RCOR3: variants seen among roughly 807,000 people sequenced by gnomAD.
RCOR3 encodes the protein REST corepressor 3.
A neutral mutation model predicts 64.1 loss-of-function variants in RCOR3; 13 were observed. The ratio of observed to expected loss-of-function variants is 0.20; its 90% CI spans 0.13 to 0.32. The LOEUF is 0.32. Among genes scored for constraint, RCOR3 ranks in the 10% least tolerant of loss-of-function variants. The probability of loss-of-function intolerance (pLI) is 1.00; values close to 1 mark genes in which losing one functional copy is unlikely to be tolerated. For synonymous variants in RCOR3, 215 were observed against 239.0 expected (o/e 0.90, Z 0.93); for missense variants, 489 against 701.2 (o/e 0.70, Z 3.42).
Position 211,312,197 on chromosome 1 carries a change from T to TGC in RCOR3, c.1076-523_1076-522insGC. ...TCAATTTGTTGGTACCCTGGTGCTA[T>TGC]AGGCAAGTATTCATGTTGAAGTTAG... is the stretch of plus-strand genomic sequence containing the variant. On this transcript the variant is annotated intron_variant, in intron 10 of 11. Transcript: ENST00000419091. The surrounding 1 kb of genome is among the most constrained non-coding windows in gnomAD (Gnocchi z 5.0). 1 of 226,242 alleles carries TGC rather than the reference T, an allele frequency of 4.4e-6. No homozygotes were observed. Among genetic ancestry groups the TGC allele is most frequent in the South Asian group, 5.5e-5 (1 of 18,294 alleles). The allele number at this position is 226,242 out of a possible 1,614,324, so 14.0% of individuals were successfully genotyped here. A position where few individuals can be genotyped will look rare whatever the true frequency, so the allele number is the denominator to read the frequency against.
At chr1:211,285,223 A>G (rs1361021127) in intron 7 of RCOR3, among the ~76,000 whole-genome samples, 1 of 152,202 alleles carries the variant, frequency 6.6e-6, no homozygotes, top group Non-Finnish European at 1.5e-5. Context: ...ATTTGAATAG[A>G]AGATATGATA....
intron 8 of RCOR3, among the ~76,000 whole-genome samples, chr1:211,294,534 G>C (rs1195263531): frequency 6.7e-6 from 1 of 149,354 alleles, no homozygotes; most frequent in Non-Finnish European, 1.5e-5. Context: ...CAAGCCCTGT[G>C]GTTTTTATTA....
chr1:211,263,961 G>A (rs984553043), intron 2 of RCOR3, among the ~76,000 whole-genome samples: 1 of 149,978 alleles, frequency 6.7e-6, no homozygotes, highest in African/African-American at 2.5e-5. Flanking sequence ...GGGACTACAG[G>A]CACATGCCAC....
At chr1:211,309,864 T>C (rs1237830070) in intron 10 of RCOR3, among the ~76,000 whole-genome samples, 1 of 152,152 alleles carries the variant, frequency 6.6e-6, no homozygotes, top group Non-Finnish European at 1.5e-5. Flanking sequence ...GAGATTCTTT[T>C]AAAGGAGCAG....
At chr1:211,293,881 A>G (rs1188133442) in intron 8 of RCOR3, among the ~76,000 whole-genome samples, 2 of 152,234 alleles carry the variant, frequency 1.3e-5, no homozygotes, top group East Asian at 1.9e-4. Flanking sequence ...AAAGTAAACA[A>G]TCCTAACCCT....
chr1:211,263,806 GTTT>G (rs971132743), intron 2 of RCOR3, among the ~76,000 whole-genome samples: 31 of 106,994 alleles, frequency 2.9e-4, no homozygotes, highest in African/African-American at 1.0e-3. Flanking sequence ...TAGATGAAAA[GTTT>G]TTTTTGTTTT....
chr1:211,309,457 A>G lies in RCOR3; in HGVS notation c.1076-3263A>G, dbSNP rs111997650. ...AATAAAACTTTACATATTAAAGATT[A>G]TAAGATATCATCTGCCAGCATAGAA... On this transcript the variant is annotated intron_variant, in intron 10 of 11. Transcript: ENST00000419091. 2.7e-3 allele frequency among the ~76,000 whole-genome samples: 409 copies of G among 152,358 alleles called. 3 individuals are homozygous for G. Among genetic ancestry groups the G allele is most frequent in the African/African-American group, 9.2e-3 (381 of 41,582 alleles).
rs1701643866 is a variant in RCOR3, at chr1:211,312,952, A to G, written c.1308A>G (p.Glu436=). 6.2e-7 allele frequency: 1 copy of G among 1,614,092 alleles called. No individual in the cohort carries two copies. Residue 436 remains glutamate (E), a synonymous_variant, in exon 11 of 12, where the codon GAA becomes GAG. Transcript: ENST00000419091. The surrounding 1 kb of genome is among the most constrained non-coding windows in gnomAD (Gnocchi z 5.0). ...TGCCATCAGGGAAGAGCACTGATGAAGAAGAGGAGGTGTGTTTGTGTATGG... is the reference window on the plus strand; with the variant it reads ...TGCCATCAGGGAAGAGCACTGATGAGGAAGAGGAGGTGTGTTTGTGTATGG... ...SNVPSGKSTD[E]EEEAQTPQAP...
At chr1:211,272,911 G>A (rs1363997387) in intron 3 of RCOR3, among the ~76,000 whole-genome samples, 2 of 152,004 alleles carry the variant, frequency 1.3e-5, no homozygotes, top group Non-Finnish European at 2.9e-5. Context: ...GTGAGCCACC[G>A]CGCCCGGCCT....
In RCOR3 at chr1:211,315,500, A is replaced by G. The variant is rs757806297; in HGVS notation, c.*1732A>G. 7.9e-5 allele frequency: 12 copies of G among 152,366 alleles called. No homozygotes were observed. The South Asian group carries it at 1.2e-3, about 16-fold the overall frequency. 9.4% of individuals were successfully genotyped at this position (152,366 alleles called of 1,614,324 possible). On this transcript the variant is annotated 3_prime_UTR_variant, in exon 12 of 12. Transcript: ENST00000419091. ...TGGCCCTGAATTTAGCTGATTTAAA[A>G]TTCTTAATATTCAAGAATTTATACT... is the stretch of plus-strand genomic sequence containing the variant.
intron 2 of RCOR3, among the ~76,000 whole-genome samples, chr1:211,266,401 A>T (rs1407774048): frequency 6.6e-6 from 1 of 152,172 alleles, no homozygotes; most frequent in Non-Finnish European, 1.5e-5. Context: ...GGTTTTCTCC[A>T]GTAGTCTTAT....
intron 6 of RCOR3, 90 bp downstream of exon 6, chr1:211,278,331 A>C (rs777741613): frequency 1.3e-5 from 18 of 1,334,286 alleles, no homozygotes; most frequent in Admixed American, 2.0e-5. Context: ...ATCACAACAC[A>C]TTGTAAATAT....
chr1:211,281,333 C>G (rs1467761437), intron 7 of RCOR3, among the ~76,000 whole-genome samples: 1 of 152,056 alleles, frequency 6.6e-6, no homozygotes, highest in Non-Finnish European at 1.5e-5. Flanking sequence ...TTAATTCTGT[C>G]TCTCAAAAAA....
At chr1:211,289,463 T>A in intron 8 of RCOR3, 67 bp downstream of exon 8, 1 of 1,263,794 alleles carries the variant, frequency 7.9e-7, no homozygotes, top group Non-Finnish European at 1.1e-6. Context: ...ACCTTTTACC[T>A]AGGTTGAGCT....
At chr1:211,289,428 C>G (rs750182128) in intron 8 of RCOR3, 32 bp downstream of exon 8, 5 of 1,532,348 alleles carry the variant, frequency 3.3e-6, no homozygotes, top group Non-Finnish European at 4.4e-6. Flanking sequence ...TTTAATGATT[C>G]TGTGCATTTT....
intron 2 of RCOR3, among the ~76,000 whole-genome samples, chr1:211,267,098 G>C (rs1398661351): frequency 1.3e-5 from 2 of 152,166 alleles, no homozygotes; most frequent in Non-Finnish European, 2.9e-5. Context: ...TAATAATTAA[G>C]TCTTAGGTAA....
intron 3 of RCOR3, among the ~76,000 whole-genome samples, chr1:211,273,358 T>C (rs1696503190): frequency 6.6e-6 from 1 of 152,142 alleles, no homozygotes; most frequent in Admixed American, 6.5e-5. Flanking sequence ...GTCAAAAAAA[T>C]AGCAATAAGC....
At chr1:211,269,373 G>A (rs764111331) in intron 2 of RCOR3, among the ~76,000 whole-genome samples, 2 of 152,190 alleles carry the variant, frequency 1.3e-5, no homozygotes, top group Non-Finnish European at 2.9e-5. Context: ...TGAGGCAGGC[G>A]GATCACGAGG....
intron 2 of RCOR3, among the ~76,000 whole-genome samples, chr1:211,264,850 GTTCACTAGATC>G (rs1694924425): frequency 6.6e-6 from 1 of 152,102 alleles, no homozygotes; most frequent in Admixed American, 6.5e-5. Context: ...TCTTTCCGTT[GTTCACTAGATC>G]TTCCCAACGT....
Sources: allele counts gnomAD v4.1 joint callset (sites outside exome capture counted in the v4.1 genomes callset), GRCh38; gene constraint gnomAD v4.1.1; non-coding constraint Gnocchi (gnomAD v3.1); transcripts MANE v1.5; gene names NCBI Gene and HGNC (gene_info 2026-07-23, HGNC 2026-07-21).